The following CSMD1 variants were observed in gnomAD, a reference collection of about 807,000 sequenced individuals.
CSMD1 encodes the protein CUB and sushi domain-containing protein 1.
Under a neutral mutation model 417.5 loss-of-function variants are expected in CSMD1, and 213 were observed. The observed-to-expected ratio is 0.51, with a 90% CI of 0.46 to 0.57. The LOEUF (loss-of-function observed/expected upper bound fraction) is 0.57, where lower values mean the gene tolerates loss of function less well. Among genes scored for constraint, CSMD1 ranks in the 20% least tolerant of loss-of-function variants. CSMD1 has a pLI of 0.00. For synonymous variants in CSMD1, 2,862 were observed against 1,736.8 expected, an observed-to-expected ratio of 1.65 and a Z score of -16.11; for missense variants, 6,923 against 4,529.7, an observed-to-expected ratio of 1.53 and a Z score of -15.17.
At chr8:4,032,986 T>G (rs897173252) in intron 3 of CSMD1, among the ~76,000 whole-genome samples, 35 of 152,022 alleles carry the variant, frequency 2.3e-4, no homozygotes, top group African/African-American at 8.2e-4. Flanking sequence ...TGACAATCTG[T>G]TTGCGGAAGC....
chr8:4,416,058 A>G (rs1035921699), intron 3 of CSMD1, among the ~76,000 whole-genome samples: 1 of 152,192 alleles, frequency 6.6e-6, no homozygotes, highest in East Asian at 1.9e-4. Flanking sequence ...AAGATTTCCT[A>G]AGAAAAGACA....
At chr8:3,969,329 T>C (rs1005244355) in intron 5 of CSMD1, among the ~76,000 whole-genome samples, 1 of 152,152 alleles carries the variant, frequency 6.6e-6, no homozygotes, top group Admixed American at 6.5e-5. Flanking sequence ...GCCCATGCTC[T>C]CGCTACTTGC....
chr8:4,549,786 A>G (rs1190323451), intron 2 of CSMD1, among the ~76,000 whole-genome samples: 1 of 150,516 alleles, frequency 6.6e-6, no homozygotes, highest in Non-Finnish European at 1.5e-5. Context: ...AATCCTAGCT[A>G]CTTGGGAGGC....
chr8:4,605,452 T>C (rs1391703611), intron 2 of CSMD1, among the ~76,000 whole-genome samples: 1 of 152,172 alleles, frequency 6.6e-6, no homozygotes, highest in African/African-American at 2.4e-5. Context: ...CCCAGAATTA[T>C]CCTGATTATG....
chr8:4,467,111 A>C (rs753537500), intron 2 of CSMD1, among the ~76,000 whole-genome samples: 2 of 142,332 alleles, frequency 1.4e-5, no homozygotes, highest in Non-Finnish European at 3.0e-5. Flanking sequence ...CTTGCTCTAG[A>C]TTCTTCAGAG....
intron 3 of CSMD1, among the ~76,000 whole-genome samples, chr8:4,181,666 A>G (rs889235341): frequency 6.6e-6 from 1 of 152,214 alleles, no homozygotes; most frequent in African/African-American, 2.4e-5. Flanking sequence ...GATGATCAGA[A>G]TAATATTGAC....
intron 10 of CSMD1, among the ~76,000 whole-genome samples, chr8:3,494,293 G>A (rs894348489): frequency 2.0e-5 from 3 of 152,048 alleles, no homozygotes; most frequent in African/African-American, 7.2e-5. Flanking sequence ...CAAGACATCT[G>A]TACAACAATG....
intron 4 of CSMD1, among the ~76,000 whole-genome samples, chr8:4,005,743 T>C (rs1816060960): frequency 6.6e-6 from 1 of 152,192 alleles, no homozygotes; most frequent in African/African-American, 2.4e-5. Context: ...TATGTGGAAG[T>C]GAGTTATTGT....
At chr8:3,387,983 A>G (rs1811115661) in intron 17 of CSMD1, among the ~76,000 whole-genome samples, 1 of 152,210 alleles carries the variant, frequency 6.6e-6, no homozygotes, top group South Asian at 2.1e-4. Context: ...AATGAATTGC[A>G]CTAAATAAAG....
chr8:3,642,430 T>C (rs1455989931), intron 7 of CSMD1, among the ~76,000 whole-genome samples: 1 of 152,198 alleles, frequency 6.6e-6, no homozygotes, highest in Non-Finnish European at 1.5e-5. Flanking sequence ...GATACCTATA[T>C]GGCTCTAAAG....
intron 3 of CSMD1, among the ~76,000 whole-genome samples, chr8:4,084,416 T>C (rs530868319): frequency 2.0e-5 from 3 of 152,318 alleles, no homozygotes; most frequent in East Asian, 3.9e-4. Flanking sequence ...TTCCTAATTT[T>C]AACCTCGTTT....
At chr8:4,722,927 A>T (rs1440768721) in intron 1 of CSMD1, among the ~76,000 whole-genome samples, 1 of 152,160 alleles carries the variant, frequency 6.6e-6, no homozygotes, top group Non-Finnish European at 1.5e-5. Context: ...TATCCAGCTG[A>T]TCTTTTCAGA....
In CSMD1 at chr8:3,162,260, A is replaced by T; in HGVS notation, c.5743T>A (p.Cys1915Ser). ...LEYKTVGLAACQEPALPSNSI... is the reference protein window; with the variant it reads ...LEYKTVGLAASQEPALPSNSI... The stretch of plus-strand genomic sequence containing the variant: ...TTGCTGGGGAGGGCTGGTTCTTGGC[A>T]TGCAGCAAGACCTACAGCTAGAAAT... The change falls in exon 38 of 70, where the codon TGC (cysteine) becomes AGC (serine). Residue 1915 changes from cysteine (C) to serine (S), a missense_variant. Coordinates refer to ENST00000635120, the MANE Select transcript of CSMD1 (RefSeq NM_033225.6). 1 of 1,607,360 alleles carries T rather than the reference A, an allele frequency of 6.2e-7. No individual in the cohort carries two copies. The highest frequency in any genetic ancestry group is 2.2e-5 in the East Asian group (1 of 44,782).
At chr8:3,094,667 T>C (rs1379353793) in intron 47 of CSMD1, among the ~76,000 whole-genome samples, 1 of 152,098 alleles carries the variant, frequency 6.6e-6, no homozygotes, top group African/African-American at 2.4e-5. Flanking sequence ...AAATACTGTG[T>C]TTTAAAAAGC....
intron 7 of CSMD1, among the ~76,000 whole-genome samples, chr8:3,702,727 G>C (rs4875780): frequency 0.51 from 77,344 of 152,092 alleles, 19,775 homozygotes; most frequent in Admixed American, 0.59. Context: ...AGCTACTCAG[G>C]AGGCTGAGGC....
At chr8:3,192,862 C>A (rs919462980) in intron 33 of CSMD1, among the ~76,000 whole-genome samples, 1 of 151,652 alleles carries the variant, frequency 6.6e-6, no homozygotes, top group African/African-American at 2.4e-5. Flanking sequence ...ATCCATATAA[C>A]ATAATATTTC....
At chr8:3,353,395 G>C (rs1317237604) in intron 21 of CSMD1, among the ~76,000 whole-genome samples, 1 of 152,140 alleles carries the variant, frequency 6.6e-6, no homozygotes, top group Non-Finnish European at 1.5e-5. Context: ...TTCTGACCAA[G>C]ATACCACCAA....
chr8:4,551,822 G>C (rs1393351841), intron 2 of CSMD1, among the ~76,000 whole-genome samples: 1 of 151,644 alleles, frequency 6.6e-6, no homozygotes, highest in East Asian at 1.9e-4. Context: ...GGGATACCTG[G>C]CTTATGCCAC....
At chr8:3,480,562 C>A (rs957089002) in intron 11 of CSMD1, among the ~76,000 whole-genome samples, 1 of 151,988 alleles carries the variant, frequency 6.6e-6, no homozygotes, top group Non-Finnish European at 1.5e-5. Context: ...TGGCAAAACA[C>A]GTGAATTTAT....
Sources: allele counts gnomAD v4.1 joint callset (sites outside exome capture counted in the v4.1 genomes callset), GRCh38; gene constraint gnomAD v4.1.1; transcripts MANE v1.5; gene names NCBI Gene and HGNC (gene_info 2026-07-23, HGNC 2026-07-21).